ARHGEF10L: variants seen among roughly 807,000 people sequenced by gnomAD.
The protein encoded by ARHGEF10L is Rho guanine nucleotide exchange factor 10 like.
ARHGEF10L carries 69 observed loss-of-function variants against 141.2 expected under a neutral mutation model. The ratio of observed to expected loss-of-function variants is 0.49; its 90% CI spans 0.40 to 0.60. The LOEUF (loss-of-function observed/expected upper bound fraction) is 0.60, where lower values mean the gene tolerates loss of function less well. Among genes scored for constraint, ARHGEF10L ranks in the 20% least tolerant of loss-of-function variants. The pLI is 0.00. For synonymous variants in ARHGEF10L, 711 were observed against 718.5 expected (o/e 0.99, Z 0.17); for missense variants, 1,482 against 1,734.3 (o/e 0.85, Z 2.58).
chr1:17,651,056 G>A (rs1380160246), intron 22 of ARHGEF10L, among the ~76,000 whole-genome samples: 1 of 152,194 alleles, frequency 6.6e-6, no homozygotes, highest in South Asian at 2.1e-4. Flanking sequence ...GTAGGGTGAA[G>A]TTTTGTCTGT....
At chr1:17,643,583 AG>A (rs1251718267) in intron 21 of ARHGEF10L, among the ~76,000 whole-genome samples, 2 of 152,154 alleles carry the variant, frequency 1.3e-5, no homozygotes, top group African/African-American at 4.8e-5. Flanking sequence ...TGGGAAATGG[AG>A]CTAGACCATG....
Position 17,656,743 on chromosome 1 carries a change from T to C in ARHGEF10L, c.2860+35T>C. The C allele has an allele frequency of 2.5e-6, 4 of 1,589,514 alleles. No homozygotes were observed. Among genetic ancestry groups the C allele is most frequent in the Non-Finnish European group, 3.4e-6 (4 of 1,164,854 alleles). The stretch of plus-strand genomic sequence containing the variant: ...GGGGGGAATGGGGGAAGGGGGGCAG[T>C]CCTGGATGCCAGCTGGGTGCCAGAT... On this transcript the variant is annotated intron_variant, in intron 25 of 28. Transcript: ENST00000361221. The surrounding 1 kb of genome is among the most constrained non-coding windows in gnomAD (Gnocchi z 4.9).
rs114095429 is a variant in ARHGEF10L, at chr1:17,673,142, C to T, written c.3009+8547C>T. The stretch of plus-strand genomic sequence containing the variant: ...ACCTGGAGGAAAAAGGGAACCGGTA[C>T]AGGGAAGGCGGATGAACAGACATCG... On this transcript the variant is annotated intron_variant, in intron 26 of 28. Transcript: ENST00000361221. The surrounding 1 kb of genome is among the most constrained non-coding windows in gnomAD (Gnocchi z 4.1). Among the ~76,000 whole-genome samples the T allele has an allele frequency of 5.2e-3, 790 of 152,298 alleles. 10 individuals carry two copies. The highest frequency in any genetic ancestry group is 0.018 in the African/African-American group (755 of 41,548).
rs1449881586 is a variant in ARHGEF10L at position 17,697,403 on chromosome 1, G to A, written c.*23G>A. ...TAGCGCCTCCCCTCTCCCCTCAGAGGGCACAGCTGCAGGCCTGACCAAGGC... is the reference window on the plus strand; with the variant it reads ...TAGCGCCTCCCCTCTCCCCTCAGAGAGCACAGCTGCAGGCCTGACCAAGGC... On this transcript the variant is annotated 3_prime_UTR_variant, in exon 29 of 29. Transcript: ENST00000361221. This position sits in a 1 kb window ranked among gnomAD's most constrained non-coding sequence, Gnocchi z 4.8. 5 of 1,563,674 alleles carry A rather than the reference G, an allele frequency of 3.2e-6. No homozygotes were observed. The highest frequency in any genetic ancestry group is 1.8e-5 in the Admixed American group (1 of 56,232).
At chr1:17,560,776 G>A (rs1219450606) in intron 1 of ARHGEF10L, among the ~76,000 whole-genome samples, 3 of 152,186 alleles carry the variant, frequency 2.0e-5, no homozygotes, top group Non-Finnish European at 2.9e-5. Context: ...TGTTGGTCAG[G>A]CTGGTCTCGA....
At chr1:17,602,567 G>A (rs1442934102) in intron 5 of ARHGEF10L, among the ~76,000 whole-genome samples, 1 of 152,186 alleles carries the variant, frequency 6.6e-6, no homozygotes, top group Non-Finnish European at 1.5e-5. Flanking sequence ...TCCAGAAAGA[G>A]AGGGAGGCAG....
Position 17,623,781 on chromosome 1 carries a change from A to C in ARHGEF10L, c.1200+606A>C, listed in dbSNP as rs527650745. On this transcript the variant is annotated intron_variant, in intron 12 of 28. Transcript: ENST00000361221. This position sits in a 1 kb window ranked among gnomAD's most constrained non-coding sequence, Gnocchi z 4.7. ...GGGAAGGTCAAGTTGGTAGCACTCT[A>C]CTTTGATGTGTTTTAGGTAACTAGG... 5.3e-5 allele frequency among the ~76,000 whole-genome samples: 8 copies of C among 152,286 alleles called. No homozygotes were observed. Among genetic ancestry groups the C allele is most frequent in the African/African-American group, 1.9e-4 (8 of 41,562 alleles).
At chr1:17,601,321 C>T (rs1233276346) in intron 4 of ARHGEF10L, among the ~76,000 whole-genome samples, 1 of 152,208 alleles carries the variant, frequency 6.6e-6, no homozygotes, top group Non-Finnish European at 1.5e-5. Context: ...TGCTGGGCTC[C>T]TCTGCTGTTT....
At chr1:17,522,140 C>A in the ARHGEF10L span, among the ~76,000 whole-genome samples, 7 of 151,648 alleles carry the variant, frequency 4.6e-5, no homozygotes, top group Non-Finnish European at 1.0e-4. Flanking sequence ...TGAGAGTGGG[C>A]GTGGCAGAGG....
intron 22 of ARHGEF10L, among the ~76,000 whole-genome samples, chr1:17,653,595 C>A (rs2102001078): frequency 6.6e-6 from 1 of 152,370 alleles, no homozygotes; most frequent in Admixed American, 6.5e-5. Flanking sequence ...AGAGGCCGGG[C>A]TTAGCGAAGC....
At position 17,644,931 on chromosome 1, in the gene ARHGEF10L, C is replaced by A. The variant is rs2061508409; in HGVS notation, c.2273-3623C>A. Among the ~76,000 whole-genome samples the A allele has an allele frequency of 6.6e-6, 1 of 152,144 alleles. No individual in the cohort carries two copies. Among genetic ancestry groups the A allele is most frequent in the South Asian group, 2.1e-4 (1 of 4,822 alleles). On this transcript the variant is annotated intron_variant, in intron 21 of 28. Transcript: ENST00000361221. The surrounding 1 kb of genome is among the most constrained non-coding windows in gnomAD (Gnocchi z 4.5). ...TCCTTCCCCCATTTTCTACATGAGG[C>A]CACAGGCTCAGAGAGGGTAAGCACT... is the stretch of plus-strand genomic sequence containing the variant.
intron 8 of ARHGEF10L, among the ~76,000 whole-genome samples, chr1:17,614,181 C>T (rs574110336): frequency 2.6e-4 from 40 of 152,318 alleles, no homozygotes; most frequent in East Asian, 3.9e-4. Context: ...CAGTGCTGCC[C>T]GCTTTATTGG....
the ARHGEF10L span, among the ~76,000 whole-genome samples, chr1:17,533,652 A>T: frequency 6.6e-6 from 1 of 152,262 alleles, no homozygotes; most frequent in South Asian, 2.1e-4. Flanking sequence ...GTCTTGGGTT[A>T]TGAAGAACCT....
chr1:17,660,881 C>CT (rs1394956962), intron 25 of ARHGEF10L, among the ~76,000 whole-genome samples: 2 of 151,946 alleles, frequency 1.3e-5, no homozygotes, highest in African/African-American at 4.8e-5. Context: ...GGCGGGGCTC[C>CT]CATCAGGCAG....
At chr1:17,528,073 T>C in the ARHGEF10L span, among the ~76,000 whole-genome samples, 3 of 151,926 alleles carry the variant, frequency 2.0e-5, no homozygotes, top group Non-Finnish European at 4.4e-5. Flanking sequence ...TTTGCCATGT[T>C]GGTCTCAAAC....
At position 17,695,264 on chromosome 1, in the gene ARHGEF10L, C is replaced by T. The variant is rs2065410123; in HGVS notation, c.3291C>T (p.Gly1097=). The T allele has an allele frequency of 3.8e-6, 6 of 1,589,892 alleles. No individual in the cohort carries two copies. The highest frequency in any genetic ancestry group is 5.1e-6 in the Non-Finnish European group (6 of 1,168,624). ...TGCTGCCCGTGCCTCGGCTGGAAGG[C>T]ATCCCCAAGATCACAGGTGAGGCTT... The part of the protein sequence containing the change: ...IVLLPVPRLE[G]IPKITGKGMV... Residue 1097 remains glycine (G), a synonymous_variant, in exon 28 of 29, where the codon GGC becomes GGT. Coordinates refer to ENST00000361221, the MANE Select transcript of ARHGEF10L (RefSeq NM_018125.4).
At chr1:17,653,539 C>T (rs1339777501) in intron 22 of ARHGEF10L, among the ~76,000 whole-genome samples, 1 of 152,188 alleles carries the variant, frequency 6.6e-6, no homozygotes, top group Non-Finnish European at 1.5e-5. Context: ...GGGCATGCAC[C>T]CTCAACTAGA....
At chr1:17,522,542 G>A in the ARHGEF10L span, among the ~76,000 whole-genome samples, 4 of 151,576 alleles carry the variant, frequency 2.6e-5, no homozygotes, top group African/African-American at 4.9e-5. Flanking sequence ...TCCTCCTCTC[G>A]GTGGTTTTTC....
At chr1:17,600,602 G>T (rs538022936) in intron 4 of ARHGEF10L, among the ~76,000 whole-genome samples, 19 of 152,252 alleles carry the variant, frequency 1.2e-4, no homozygotes, top group African/African-American at 4.1e-4. Context: ...AACAGATTTT[G>T]TGTGGATTTC....
Sources: allele counts gnomAD v4.1 joint callset (sites outside exome capture counted in the v4.1 genomes callset), GRCh38; gene constraint gnomAD v4.1.1; non-coding constraint Gnocchi (gnomAD v3.1); transcripts MANE v1.5; gene names NCBI Gene and HGNC (gene_info 2026-07-23, HGNC 2026-07-21).